Variants in PLCD4 observed in about 807,000 individuals in gnomAD.
PLCD4 encodes phospholipase C delta 4, also known as 1-phosphatidylinositol 4,5-bisphosphate phosphodiesterase delta-4.
In PLCD4, 63 loss-of-function variants were observed where a neutral mutation model predicts 90.2. The ratio of observed to expected loss-of-function variants is 0.70; its 90% CI spans 0.57 to 0.86. The LOEUF (loss-of-function observed/expected upper bound fraction) is 0.86, where lower values mean the gene tolerates loss of function less well. Ranked by LOEUF, PLCD4 falls within the 40% of genes least tolerant of loss-of-function variation. PLCD4 has a pLI of 0.00. For missense variants in PLCD4, 830 were observed against 956.3 expected (o/e 0.87, Z 1.74); for synonymous variants, 294 against 356.5 (o/e 0.82, Z 1.97).
chr2:218,635,532 T>C (rs1696677370), intron 13 of PLCD4, among the ~76,000 whole-genome samples: 1 of 152,008 alleles, frequency 6.6e-6, no homozygotes. Flanking sequence ...AGAGATAGGG[T>C]TTCACCATGT....
chr2:218,636,596 A>C lies in PLCD4; in HGVS notation c.*19A>C. The stretch of plus-strand genomic sequence containing the variant: ...GTCCTGAGGTGGGCATTTCACGGGA[A>C]GGGTTGGTGTGCTGGCTTTAGACGG... On this transcript the variant is annotated 3_prime_UTR_variant, in exon 16 of 16. Coordinates refer to ENST00000450993, the MANE Select transcript of PLCD4 (RefSeq NM_032726.4). 6.2e-7 allele frequency: 1 copy of C among 1,609,878 alleles called. No homozygotes were observed. Among genetic ancestry groups the C allele is most frequent in the Non-Finnish European group, 8.5e-7 (1 of 1,176,430 alleles).
chr2:218,630,948 A>T, intron 9 of PLCD4, 146 bp downstream of exon 9: 1 of 850,428 alleles, frequency 1.2e-6, no homozygotes, highest in Non-Finnish European at 1.7e-6. Flanking sequence ...ATCCTTGGAG[A>T]CAATTTTAAC....
At chr2:218,619,083 A>G (rs1425489157) in intron 4 of PLCD4, among the ~76,000 whole-genome samples, 1 of 152,148 alleles carries the variant, frequency 6.6e-6, no homozygotes, top group African/African-American at 2.4e-5. Context: ...GCTGCTCCTA[A>G]GAGCTGCACA....
In PLCD4 at chr2:218,622,577, T is replaced by A. The variant is rs944167707; in HGVS notation, c.541-70T>A. The A allele has an allele frequency of 8.0e-5, 93 of 1,163,552 alleles. 1 individual carries two copies. Among genetic ancestry groups the A allele is most frequent in the South Asian group, 3.0e-4 (17 of 57,092 alleles). The allele number at this position is 1,163,552 out of a possible 1,614,324, so 72.1% of individuals were successfully genotyped here. A position where few individuals can be genotyped will look rare whatever the true frequency, so the allele number is the denominator to read the frequency against. ...GTACCCAGAAAAATTTAAAAAAAAA[T>A]TTTTTTAATTAAAAAGATAACATTT... On this transcript the variant is annotated intron_variant, in intron 5 of 15. Transcript: ENST00000450993.
chr2:218,613,978 G>T (rs1319934023), intron 1 of PLCD4, among the ~76,000 whole-genome samples: 2 of 151,694 alleles, frequency 1.3e-5, no homozygotes, highest in African/African-American at 2.4e-5. Context: ...ACTTAACCAG[G>T]TCCTATATTT....
In PLCD4 at chr2:218,616,032, C is replaced by T. The variant is rs373362301; in HGVS notation, c.151C>T (p.Arg51Trp). 3.3e-5 allele frequency: 53 copies of T among 1,613,780 alleles called. No individual in the cohort carries two copies. Among genetic ancestry groups the T allele is most frequent in the Non-Finnish European group, 4.1e-5 (48 of 1,179,886 alleles). Residue 51 changes from arginine (R) to tryptophan (W), a missense_variant, in exon 3 of 16, where the codon CGG (arginine) becomes TGG (tryptophan). Physicochemically the swap from Arg to Trp is moderately radical, Grantham distance 101. Coordinates refer to ENST00000450993, the MANE Select transcript of PLCD4 (RefSeq NM_032726.4). ...TGACGGCATGACAGTCTGGCATGCA[C>T]GGCAGGCCAGGGGCAGTGCCAAGCC... ...QNDGMTVWHA[R>W]QARGSAKPSF...
chr2:218,616,654 C>T (rs948974634), intron 3 of PLCD4, among the ~76,000 whole-genome samples: 2 of 151,356 alleles, frequency 1.3e-5, no homozygotes, highest in African/African-American at 4.9e-5. Context: ...GAAGTTGAGA[C>T]TGCAGTGAGC....
Position 218,621,497 on chromosome 2 carries a change from A to C in PLCD4, c.438A>C (p.Gly146=). The change falls in exon 5 of 16, where the codon GGA becomes GGC. Residue 146 remains glycine, a synonymous_variant. Coordinates refer to ENST00000450993, the MANE Select transcript of PLCD4 (RefSeq NM_032726.4). The part of the protein sequence containing the change: ...DQWLSDWFQR[G]DKNQDGKMSF... ...GGCTGAGCGATTGGTTTCAACGTGGAGACAAAAATCAGGATGGTAAGATGA... is the reference window on the plus strand; with the variant it reads ...GGCTGAGCGATTGGTTTCAACGTGGCGACAAAAATCAGGATGGTAAGATGA... The C allele has an allele frequency of 1.2e-6, 2 of 1,614,010 alleles. No homozygotes were observed. Among genetic ancestry groups the C allele is most frequent in the South Asian group, 2.2e-5 (2 of 91,072 alleles).
chr2:218,633,383 C>A (rs1266112393), intron 10 of PLCD4: 5 of 706,820 alleles, frequency 7.1e-6, no homozygotes, highest in South Asian at 5.9e-5. Context: ...TTCCCACCCC[C>A]AGGTTGTGAC....
At chr2:218,635,999 C>G (rs1467878658) in intron 14 of PLCD4, 68 bp downstream of exon 14, 7 of 1,606,188 alleles carry the variant, frequency 4.4e-6, no homozygotes, top group Non-Finnish European at 6.0e-6. Context: ...AGTCTGTCTT[C>G]CATTAAGTAT....
Position 218,620,280 on chromosome 2 carries a change from G to C in PLCD4, c.411-1190G>C, listed in dbSNP as rs530347398. ...GCACTTTGAGAAGCTGAGGCTGGTG[G>C]ATCACCTGAGGCCAGGAGTTCGACA... is the stretch of plus-strand genomic sequence containing the variant. On this transcript the variant is annotated intron_variant, in intron 4 of 15. Transcript: ENST00000450993. 2.0e-5 allele frequency among the ~76,000 whole-genome samples: 3 copies of C among 152,262 alleles called. No homozygotes were observed. The South Asian group carries it at 6.2e-4, about 32-fold the overall frequency.
intron 4 of PLCD4, among the ~76,000 whole-genome samples, chr2:218,621,229 G>A (rs1695864469): frequency 6.6e-6 from 1 of 152,220 alleles, no homozygotes; most frequent in Non-Finnish European, 1.5e-5. Flanking sequence ...ATCGCGTCTG[G>A]CCAGAATATA....
At chr2:218,609,298 G>A (rs1695229557) in intron 1 of PLCD4, 1 of 152,134 alleles carries the variant, frequency 6.6e-6, no homozygotes, top group African/African-American at 2.4e-5. Flanking sequence ...AGAGAGACCT[G>A]AGACACCCTG....
chr2:218,631,177 T>C (rs903110307), intron 9 of PLCD4, among the ~76,000 whole-genome samples: 1 of 152,174 alleles, frequency 6.6e-6, no homozygotes, highest in Non-Finnish European at 1.5e-5. Context: ...TTTTTTGTTT[T>C]TTTTGAGACA....
chr2:218,636,829 T>C lies in PLCD4; in HGVS notation c.*252T>C, dbSNP rs535004550. 9.1e-5 allele frequency: 51 copies of C among 562,864 alleles called. No individual in the cohort carries two copies. The African/African-American group carries it at 9.1e-4, about 10-fold the overall frequency. The allele number at this position is 562,864 out of a possible 1,614,324, so 34.9% of individuals were successfully genotyped here. The stretch of plus-strand genomic sequence containing the variant: ...CTGCCCTTTTCCTTTGTGTACTCTA[T>C]ACTGGAGTTCCCTTCTTCCTCTTGC... On this transcript the variant is annotated 3_prime_UTR_variant, in exon 16 of 16. Transcript: ENST00000450993.
At chr2:218,626,717 G>T (rs1331595360) in intron 6 of PLCD4, among the ~76,000 whole-genome samples, 1 of 152,164 alleles carries the variant, frequency 6.6e-6, no homozygotes, top group Non-Finnish European at 1.5e-5. Context: ...TGGGAGTGTA[G>T]TCTAAGGAGA....
Position 218,628,011 on chromosome 2 carries a change from C to G in PLCD4, c.773-18C>G, listed in dbSNP as rs369296354. 6.9e-6 allele frequency: 11 copies of G among 1,602,158 alleles called. No homozygotes were observed. Among genetic ancestry groups the G allele is most frequent in the Non-Finnish European group, 4.3e-6 (5 of 1,172,320 alleles). On this transcript the variant is annotated intron_variant, in intron 6 of 15. Coordinates refer to ENST00000450993, the MANE Select transcript of PLCD4 (RefSeq NM_032726.4). ...CATTCAGAGCTTCTCACCTAGTGTT[C>G]CCCTGTCCACACTCCAGGCAAACTG...
intron 1 of PLCD4, among the ~76,000 whole-genome samples, chr2:218,614,731 G>T (rs1030045953): frequency 6.6e-6 from 1 of 151,564 alleles, no homozygotes; most frequent in East Asian, 2.0e-4. Context: ...GATTACAGGC[G>T]TGAGCCACCG....
At chr2:218,632,029 G>A (rs538944353) in intron 9 of PLCD4, 107 bp from the exon 10 acceptor site, 25 of 1,264,198 alleles carry the variant, frequency 2.0e-5, no homozygotes, top group Non-Finnish European at 2.6e-5. Context: ...GGGAACTTCC[G>A]ACCACTCACT....
Sources: gnomAD v4.1 joint callset for allele counts (sites outside exome capture counted in the v4.1 genomes callset) on GRCh38, gnomAD v4.1.1 for gene constraint, MANE v1.5 for transcripts, NCBI Gene and HGNC (gene_info 2026-07-23, HGNC 2026-07-21) for gene names.